Variants in CREBL2 observed in about 807,000 individuals in gnomAD.
CREBL2 encodes the protein cAMP-responsive element-binding protein-like 2.
CREBL2 carries 4 observed loss-of-function variants against 19.5 expected under a neutral mutation model. The observed-to-expected ratio is 0.20, with a 90% CI of 0.10 to 0.47. CREBL2 has a LOEUF of 0.47. Among genes scored for constraint, CREBL2 ranks in the 20% least tolerant of loss-of-function variants. CREBL2 has a pLI of 0.98. For synonymous variants in CREBL2, 42 were observed against 46.6 expected, an observed-to-expected ratio of 0.90 and a Z score of 0.40; for missense variants, 85 against 145.1, an observed-to-expected ratio of 0.59 and a Z score of 2.13.
At chr12:12,613,555 A>G (rs1945284444) in intron 1 of CREBL2, among the ~76,000 whole-genome samples, 1 of 152,192 alleles carries the variant, frequency 6.6e-6, no homozygotes, top group East Asian at 1.9e-4. Flanking sequence ...GCTGTGAGGA[A>G]GTGACAGATG....
intron 1 of CREBL2, among the ~76,000 whole-genome samples, chr12:12,618,028 T>G (rs907848973): frequency 1.3e-5 from 2 of 152,220 alleles, no homozygotes; most frequent in Non-Finnish European, 2.9e-5. Context: ...GAAGAATTCT[T>G]CTTAGTACAG....
chr12:12,619,655 A>G (rs1313947791), intron 1 of CREBL2, among the ~76,000 whole-genome samples: 4 of 152,212 alleles, frequency 2.6e-5, no homozygotes, highest in South Asian at 2.1e-4. Flanking sequence ...GCTGCATTCA[A>G]TTAGAAAATA....
At chr12:12,625,057 C>T (rs774316585) in intron 1 of CREBL2, among the ~76,000 whole-genome samples, 2 of 151,996 alleles carry the variant, frequency 1.3e-5, no homozygotes, top group African/African-American at 4.8e-5. Context: ...GACATCTAGC[C>T]GTAGTCTCGT....
At chr12:12,626,948 C>G (rs1159677620) in intron 1 of CREBL2, among the ~76,000 whole-genome samples, 1 of 150,644 alleles carries the variant, frequency 6.6e-6, no homozygotes, top group Non-Finnish European at 1.5e-5. Flanking sequence ...CATGGAGGAG[C>G]CTTAAATGCA....
chr12:12,620,423 A>G (rs957397284), intron 1 of CREBL2, among the ~76,000 whole-genome samples: 1 of 151,878 alleles, frequency 6.6e-6, no homozygotes, highest in Non-Finnish European at 1.5e-5. Context: ...TTTTGTAGAG[A>G]CAGCCTGTGT....
Position 12,632,068 on chromosome 12 carries a change from CTTTTTTT to C in CREBL2, c.16-3688_16-3682del, listed in dbSNP as rs869253910. 1.4e-4 allele frequency among the ~76,000 whole-genome samples: 11 copies of C among 80,626 alleles called. 1 individual carries two copies. In the East Asian group the frequency reaches 3.1e-3, roughly 22 times the overall value. The allele number at this position is 80,626 out of a possible 152,430, so 52.9% of individuals were successfully genotyped here. A position where few individuals can be genotyped will look rare whatever the true frequency, so the allele number is the denominator to read the frequency against. On this transcript the variant is annotated intron_variant, in intron 1 of 3. Coordinates refer to ENST00000228865, the MANE Select transcript of CREBL2 (RefSeq NM_001310.4). ...CCTTGGATTCATATACTATGCCTTT[CTTTTTTT>C]TTTTTTTTTTTTTTTTTTTTGAGAC...
rs1945544751 is a variant in CREBL2 at position 12,643,768 on chromosome 12, ATAT to A, written c.*1772_*1774del. The A allele has an allele frequency of 6.6e-6, 1 of 152,240 alleles. No homozygotes were observed. Among genetic ancestry groups the A allele is most frequent in the Admixed American group, 6.5e-5 (1 of 15,280 alleles). 9.4% of individuals were successfully genotyped at this position (152,240 alleles called of 1,614,324 possible). ...TGTTTTGGAAGTTGGGGGTTTAATA[ATAT>A]TTAATGTCTTTTTAGGATCATAAAC... On this transcript the variant is annotated 3_prime_UTR_variant, in exon 4 of 4. Transcript: ENST00000228865.
At chr12:12,631,421 G>C (rs1001101385) in intron 1 of CREBL2, among the ~76,000 whole-genome samples, 1 of 152,186 alleles carries the variant, frequency 6.6e-6, no homozygotes, top group Non-Finnish European at 1.5e-5. Context: ...CTCTATGTCA[G>C]TAGAAATAAA....
intron 1 of CREBL2, among the ~76,000 whole-genome samples, chr12:12,624,857 CAAAT>C (rs1261226659): frequency 6.6e-6 from 1 of 152,144 alleles, no homozygotes; most frequent in Non-Finnish European, 1.5e-5. Flanking sequence ...TGAGGTCACA[CAAAT>C]GAATTGAAGG....
intron 1 of CREBL2, among the ~76,000 whole-genome samples, chr12:12,633,242 T>C (rs1382532551): frequency 6.6e-6 from 1 of 152,090 alleles, no homozygotes; most frequent in Non-Finnish European, 1.5e-5. Flanking sequence ...CAGCTAGATG[T>C]ATATTGTTAT....
At chr12:12,634,780 G>A (rs1271268516) in intron 1 of CREBL2, among the ~76,000 whole-genome samples, 2 of 152,148 alleles carry the variant, frequency 1.3e-5, no homozygotes, top group Non-Finnish European at 2.9e-5. Flanking sequence ...ATGAGTCCAG[G>A]CACAATGGCT....
chr12:12,643,791 A>T lies in CREBL2; in HGVS notation c.*1793A>T, dbSNP rs1945544833. On this transcript the variant is annotated 3_prime_UTR_variant, in exon 4 of 4. Coordinates refer to ENST00000228865, the MANE Select transcript of CREBL2 (RefSeq NM_001310.4). ...TAATATTTAATGTCTTTTTAGGATC[A>T]TAAACATAAATAGGTTTGTTGATAT... The T allele has an allele frequency of 6.6e-6, 1 of 152,460 alleles. No individual in the cohort carries two copies. Among genetic ancestry groups the T allele is most frequent in the African/African-American group, 2.4e-5 (1 of 41,456 alleles). 9.4% of individuals were successfully genotyped at this position (152,460 alleles called of 1,614,324 possible). A position where few individuals can be genotyped will look rare whatever the true frequency, so the allele number is the denominator to read the frequency against.
In CREBL2 at chr12:12,642,312, T is replaced by C. The variant is rs145303483; in HGVS notation, c.*314T>C. The C allele has an allele frequency of 8.7e-5, 21 of 241,176 alleles. No homozygotes were observed. In the East Asian group the frequency reaches 1.6e-3, roughly 18 times the overall value. 14.9% of individuals were successfully genotyped at this position (241,176 alleles called of 1,614,324 possible). The stretch of plus-strand genomic sequence containing the variant: ...GAAGATTGTATTTTTGCACCTTAAC[T>C]CCACATTGCTTTATTGGTTAATTTA... On this transcript the variant is annotated 3_prime_UTR_variant, in exon 4 of 4. Transcript: ENST00000228865.
intron 1 of CREBL2, chr12:12,614,850 G>A: frequency 6.7e-6 from 2 of 296,416 alleles, no homozygotes; most frequent in South Asian, 2.8e-5. Context: ...AGATTTGTAG[G>A]GCATTAGTTT....
At chr12:12,636,108 A>T (rs1945473122) in intron 2 of CREBL2, 134 bp downstream of exon 2, 1 of 835,038 alleles carries the variant, frequency 1.2e-6, no homozygotes, top group Admixed American at 2.7e-5. Flanking sequence ...GTTAGCCAGG[A>T]TGGGGGCAAA....
At chr12:12,633,137 A>G (rs1945452827) in intron 1 of CREBL2, among the ~76,000 whole-genome samples, 1 of 151,960 alleles carries the variant, frequency 6.6e-6, no homozygotes, top group Non-Finnish European at 1.5e-5. Flanking sequence ...GGGTTTCACC[A>G]TATTGGCCAG....
In CREBL2 at chr12:12,612,090, CGGGGCG is replaced by C; in HGVS notation, c.-77_-72del. ...GCCAGAACCATATCCCCTTCTTCCT[CGGGGCG>C]GGGGCCGGGCCAGGCCGGCTGAGCC... On this transcript the variant is annotated 5_prime_UTR_variant, in exon 1 of 4. Transcript: ENST00000228865. 1 of 1,554,988 alleles carries C rather than the reference CGGGGCG, an allele frequency of 6.4e-7. No individual in the cohort carries two copies. The highest frequency in any genetic ancestry group is 8.8e-7 in the Non-Finnish European group (1 of 1,136,592).
In CREBL2 at chr12:12,622,309, G is replaced by A. The variant is rs112212599; in HGVS notation, c.15+10122G>A. Among the ~76,000 whole-genome samples the A allele has an allele frequency of 4.2e-3, 638 of 152,282 alleles. 4 individuals carry two copies. Among genetic ancestry groups the A allele is most frequent in the African/African-American group, 0.015 (613 of 41,552 alleles). On this transcript the variant is annotated intron_variant, in intron 1 of 3. Transcript: ENST00000228865. ...CTTTACAATGTAAGTTGCAGTTGATGCGGCGTGCATAAAATTCTGAAAAGA... is the reference window on the plus strand; with the variant it reads ...CTTTACAATGTAAGTTGCAGTTGATACGGCGTGCATAAAATTCTGAAAAGA...
At position 12,637,750 on chromosome 12, in the gene CREBL2, G is replaced by C. The variant is rs752359990; in HGVS notation, c.358+36G>C. On this transcript the variant is annotated intron_variant, in intron 3 of 3. Transcript: ENST00000228865. ...TCAATGGGAGAATTTATATTTAAGA[G>C]AGTGTCTCGGTTGGGCGCAGTGGCT... is the stretch of plus-strand genomic sequence containing the variant. The C allele has an allele frequency of 1.9e-6, 3 of 1,579,072 alleles. No homozygotes were observed. In the East Asian group the frequency reaches 6.8e-5, roughly 36 times the overall value.
Sources: gnomAD v4.1 joint callset for allele counts (sites outside exome capture counted in the v4.1 genomes callset) on GRCh38, gnomAD v4.1.1 for gene constraint, MANE v1.5 for transcripts, NCBI Gene and HGNC (gene_info 2026-07-23, HGNC 2026-07-21) for gene names.